IFNLR1: variants seen among roughly 807,000 people sequenced by gnomAD.
IFNLR1 encodes interferon lambda receptor 1.
Under a neutral mutation model 52.5 loss-of-function variants are expected in IFNLR1, and 28 were observed. The ratio of observed to expected loss-of-function variants is 0.53; its 90% CI spans 0.40 to 0.73. The LOEUF is 0.73. Among genes scored for constraint, IFNLR1 ranks in the 30% least tolerant of loss-of-function variants. The probability of loss-of-function intolerance (pLI) is 0.00; values close to 1 mark genes in which losing one functional copy is unlikely to be tolerated. For missense variants in IFNLR1, 623 were observed against 659.1 expected, an observed-to-expected ratio of 0.95 and a Z score of 0.60; for synonymous variants, 276 against 274.9, an observed-to-expected ratio of 1.00 and a Z score of -0.04.
At chr1:24,180,969 C>G (rs1644684898) in intron 1 of IFNLR1, 115 bp from the exon 2 acceptor site, 1 of 1,073,560 alleles carries the variant, frequency 9.3e-7, no homozygotes, top group Middle Eastern at 3.1e-4. Context: ...GTTTGAGGAA[C>G]CAGGAGCCAC....
intron 1 of IFNLR1, among the ~76,000 whole-genome samples, chr1:24,185,441 C>T (rs1644728079): frequency 6.6e-6 from 1 of 152,224 alleles, no homozygotes; most frequent in South Asian, 2.1e-4. Context: ...ATGGAGAATT[C>T]AGGGTCCTGA....
At chr1:24,159,737 G>GTTTTTTTTTTTTGT in intron 4 of IFNLR1, 104 bp from the exon 5 acceptor site, 99 of 458,226 alleles carry the variant, frequency 2.2e-4, no homozygotes, top group East Asian at 8.6e-4. Flanking sequence ...TTTTTTTTTT[G>GTTTTTTTTTTTTGT]TTTTTTTTTT....
At chr1:24,184,553 G>A (rs556228318) in intron 1 of IFNLR1, among the ~76,000 whole-genome samples, 2 of 141,244 alleles carry the variant, frequency 1.4e-5, no homozygotes, top group Non-Finnish European at 3.0e-5. Context: ...CTTCCTGCTC[G>A]ATGTTGCCAA....
rs1300284388 is a variant in IFNLR1, at chr1:24,161,732, G to A, written c.368-48C>T. 10 of 1,444,826 alleles carry A rather than the reference G, an allele frequency of 6.9e-6. No individual in the cohort carries two copies. The African/African-American group carries it at 1.0e-4, about 15-fold the overall frequency. The allele number at this position is 1,444,826 out of a possible 1,614,324, so 89.5% of individuals were successfully genotyped here. ...GTCAGTAATCCCGAGGGGCCGCACTGCCTCCATCCCCCAAGACCAGAGAGC... is the reference window on the plus strand; with the variant it reads ...GTCAGTAATCCCGAGGGGCCGCACTACCTCCATCCCCCAAGACCAGAGAGC... On this transcript the variant is annotated intron_variant, in intron 3 of 6. Coordinates refer to ENST00000327535, the MANE Select transcript of IFNLR1 (RefSeq NM_170743.4).
chr1:24,179,176 T>C (rs1312084457), intron 2 of IFNLR1, among the ~76,000 whole-genome samples: 2 of 152,096 alleles, frequency 1.3e-5, no homozygotes, highest in Non-Finnish European at 2.9e-5. Flanking sequence ...CTCGAACTCT[T>C]GGACTCAAGC....
intron 4 of IFNLR1, 91 bp from the exon 5 acceptor site, chr1:24,159,724 G>GTTTTTTTTTTTTTT: frequency 6.1e-5 from 47 of 774,030 alleles, no homozygotes; most frequent in South Asian, 7.1e-5. Context: ...ACATGGTAGG[G>GTTTTTTTTTTTTTT]TGTTTTTTTT....
At chr1:24,163,281 A>G (rs906881489) in intron 3 of IFNLR1, among the ~76,000 whole-genome samples, 2 of 152,058 alleles carry the variant, frequency 1.3e-5, no homozygotes, top group African/African-American at 2.4e-5. Context: ...CTTGATAAAC[A>G]CACTCCCGCA....
rs1413510389 is a variant in IFNLR1 at position 24,157,186 on chromosome 1, T to C, written c.1507A>G (p.Ser503Gly). Residue 503 changes from serine to glycine, a missense_variant, in exon 7 of 7, where the codon AGC (serine) becomes GGC (glycine). Ser to Gly is a moderately conservative substitution (Grantham distance 56). Coordinates refer to ENST00000327535, the MANE Select transcript of IFNLR1 (RefSeq NM_170743.4). This position sits in a 1 kb window ranked among gnomAD's most constrained non-coding sequence, Gnocchi z 5.1. The stretch of plus-strand genomic sequence containing the variant: ...CCCCTGTCCTCGGTCCTCTGGGTGC[T>C]CTCAGCCCCCCAGCTGCCCGCATCG... ...DSDAGSWGAE[S>G]TQRTEDRGRT... 3.1e-6 allele frequency: 5 copies of C among 1,613,940 alleles called. No individual in the cohort carries two copies. In the South Asian group the frequency reaches 3.3e-5, roughly 11 times the overall value.
At chr1:24,177,812 G>T (rs1270760467) in intron 2 of IFNLR1, among the ~76,000 whole-genome samples, 1 of 152,172 alleles carries the variant, frequency 6.6e-6, no homozygotes, top group Non-Finnish European at 1.5e-5. Flanking sequence ...TTGGGATAAA[G>T]AAAATGAGTA....
At chr1:24,185,587 G>C (rs1644729707) in intron 1 of IFNLR1, among the ~76,000 whole-genome samples, 1 of 152,198 alleles carries the variant, frequency 6.6e-6, no homozygotes. Flanking sequence ...GTGGGTGCCT[G>C]CTTCCACCTC....
Position 24,159,160 on chromosome 1 carries a change from C to T in IFNLR1, c.693G>A (p.Val231=), listed in dbSNP as rs1644413250. 6.2e-7 allele frequency: 1 copy of T among 1,614,038 alleles called. No individual in the cohort carries two copies. The highest frequency in any genetic ancestry group is 1.7e-5 in the Admixed American group (1 of 59,994). Residue 231 remains valine (V), a synonymous_variant, in exon 6 of 7, where the codon GTG becomes GTA. Coordinates refer to ENST00000327535, the MANE Select transcript of IFNLR1 (RefSeq NM_170743.4). Reference sequence around the variant, plus strand: ...ACAGCAGTATCAGAAGCGATGGCAGCACCAGGAAAGCCCAGTTGGCTTCTA... The same window carrying T: ...ACAGCAGTATCAGAAGCGATGGCAGTACCAGGAAAGCCCAGTTGGCTTCTA... ...EVPEANWAFL[V]LPSLLILLLV...
chr1:24,180,671 C>CT, intron 2 of IFNLR1, 60 bp downstream of exon 2: 1 of 1,249,092 alleles, frequency 8.0e-7, no homozygotes, highest in Non-Finnish European at 1.1e-6. Context: ...AGAGAAGCCC[C>CT]TCCAGCCCCC....
rs1490140918 is a variant in IFNLR1 at position 24,180,777 on chromosome 1, CTG to C, written c.134_135del (p.Pro45ArgfsTer21). On this transcript the variant is annotated frameshift_variant, in exon 2 of 7. Coordinates refer to ENST00000327535, the MANE Select transcript of IFNLR1 (RefSeq NM_170743.4). LOFTEE classifies it high-confidence loss of function. ...GTCACATCCTGGGGGTTGCCAAGCCCTGGGAGCCATGTCAGGTACACGCTGAA... is the reference window on the plus strand; with the variant it reads ...GTCACATCCTGGGGGTTGCCAAGCCCGGAGCCATGTCAGGTACACGCTGAA... Reference protein sequence around the residue: ...QNFSVYLTWLPGLGNPQDVTY... With the variant: ...QNFSVYLTWLXGLGNPQDVTY... 3.1e-6 allele frequency: 5 copies of C among 1,613,918 alleles called. No individual in the cohort carries two copies. The highest frequency in any genetic ancestry group is 4.2e-6 in the Non-Finnish European group (5 of 1,179,930).
intron 3 of IFNLR1, among the ~76,000 whole-genome samples, chr1:24,163,930 A>G (rs1470392463): frequency 1.3e-5 from 2 of 151,944 alleles, no homozygotes; most frequent in Non-Finnish European, 2.9e-5. Flanking sequence ...ATGTCCCCCA[A>G]AGTCTCATCT....
Position 24,169,619 on chromosome 1 carries a change from A to G in IFNLR1, c.183-18T>C, listed in dbSNP as rs780858420. ...TGGGAGAGCTGGGGGAGGAGAGAGG[A>G]GAGCTTGGGCCATGGACTCAGCCTC... On this transcript the variant is annotated intron_variant, in intron 2 of 6. Transcript: ENST00000327535. The G allele has an allele frequency of 6.2e-7, 1 of 1,608,390 alleles. No individual in the cohort carries two copies. Among genetic ancestry groups the G allele is most frequent in the East Asian group, 2.2e-5 (1 of 44,864 alleles).
intron 3 of IFNLR1, among the ~76,000 whole-genome samples, chr1:24,166,450 C>A (rs894755874): frequency 6.6e-6 from 1 of 152,110 alleles, no homozygotes; most frequent in African/African-American, 2.4e-5. Context: ...TCGCTCCAGC[C>A]CTTCCTTCCC....
rs774477900 is a variant in IFNLR1, at chr1:24,169,585, G to C, written c.199C>G (p.Arg67Gly). Residue 67 changes from arginine (R) to glycine (G), a missense_variant, in exon 3 of 7, where the codon CGG (arginine) becomes GGG (glycine). Coordinates refer to ENST00000327535, the MANE Select transcript of IFNLR1 (RefSeq NM_170743.4). The part of the protein sequence containing the change: ...VAYQSSPTRR[R>G]WREVEECAGT... ...GCACACTCTTCCACTTCGCGCCACC[G>C]TCTACGGGTGGGAGAGCTGGGGGAG... 2 of 1,613,476 alleles carry C rather than the reference G, an allele frequency of 1.2e-6. No homozygotes were observed. Among genetic ancestry groups the C allele is most frequent in the South Asian group, 2.2e-5 (2 of 90,966 alleles).
intron 2 of IFNLR1, among the ~76,000 whole-genome samples, chr1:24,175,167 G>T (rs1246148457): frequency 6.6e-6 from 1 of 152,230 alleles, no homozygotes; most frequent in African/African-American, 2.4e-5. Flanking sequence ...AAATTTCCTG[G>T]AAGATGATTC....
intron 2 of IFNLR1, among the ~76,000 whole-genome samples, chr1:24,176,058 C>T (rs965840216): frequency 2.0e-5 from 3 of 152,040 alleles, no homozygotes; most frequent in African/African-American, 7.3e-5. Flanking sequence ...CAAATGAATA[C>T]CTGCCCAGAA....
Sources: gnomAD v4.1 joint callset for allele counts (sites outside exome capture counted in the v4.1 genomes callset) on GRCh38, gnomAD v4.1.1 for gene constraint, Gnocchi (gnomAD v3.1) non-coding constraint, MANE v1.5 for transcripts, NCBI Gene and HGNC (gene_info 2026-07-23, HGNC 2026-07-21) for gene names.